The following MACF1 variants were observed in gnomAD, a reference collection of about 807,000 sequenced individuals.
The protein encoded by MACF1 is microtubule-actin cross-linking factor 1.
MACF1 carries 193 observed loss-of-function variants against 854.8 expected under a neutral mutation model. The observed-to-expected ratio is 0.23, with a 90% confidence interval of 0.20 to 0.25. The LOEUF (loss-of-function observed/expected upper bound fraction) is 0.25. MACF1 is among the 10% of genes least tolerant of loss of function. The pLI, the probability that MACF1 is intolerant of heterozygous loss-of-function variation, is 1.00. For synonymous variants in MACF1, 3,185 were observed against 3,226.7 expected (o/e 0.99, Z 0.44); for missense variants, 7,722 against 8,929.1 (o/e 0.86, Z 5.45).
At chr1:39,269,467 G>T in intron 6 of MACF1, 1 of 1,289,836 alleles carries the variant, frequency 7.8e-7, no homozygotes, top group Non-Finnish European at 1.0e-6. Flanking sequence ...GGCCAAAGAC[G>T]CACGGAGCCT....
At chr1:39,327,128 G>A in intron 35 of MACF1, 90 bp from the exon 36 acceptor site, 1 of 1,277,096 alleles carries the variant, frequency 7.8e-7, no homozygotes, top group Non-Finnish European at 1.1e-6. Context: ...ATCCATCCAA[G>A]ATGAAGAAGT....
intron 2 of MACF1, 126 bp downstream of exon 2, chr1:39,231,369 A>G (rs1180481046): frequency 2.4e-6 from 2 of 842,724 alleles, no homozygotes; most frequent in East Asian, 2.5e-5. Flanking sequence ...TACACATGTG[A>G]CTTTTCTTTT....
chr1:39,317,263 A>T lies in MACF1; in HGVS notation c.3638A>T (p.Asp1213Val). 1 of 1,614,064 alleles carries T rather than the reference A, an allele frequency of 6.2e-7. No individual in the cohort carries two copies. Among genetic ancestry groups the T allele is most frequent in the South Asian group, 1.1e-5 (1 of 91,058 alleles). The stretch of plus-strand genomic sequence containing the variant: ...AAGAATTCAGTGTTTTCAGTCCTGG[A>T]TGAGGAAATTGCCAAGGCCAAGGTA... ...KDKNSVFSVLDEEIAKAKVVA... is the reference protein window; with the variant it reads ...KDKNSVFSVLVEEIAKAKVVA... The change falls in exon 29 of 101, where the codon GAT becomes GTT. Residue 1213 changes from aspartate to valine, a missense_variant. By Grantham distance (152) the Asp-to-Val change is radical. Coordinates refer to ENST00000564288, the MANE Select transcript of MACF1 (RefSeq NM_001394062.1).
At chr1:39,245,538 C>T (rs1285812911) in intron 2 of MACF1, among the ~76,000 whole-genome samples, 1 of 152,126 alleles carries the variant, frequency 6.6e-6, no homozygotes, top group Non-Finnish European at 1.5e-5. Context: ...ATCAGCCTCC[C>T]AAATTGGTGG....
chr1:39,178,441 G>T (rs570110298), intron 2 of MACF1, among the ~76,000 whole-genome samples: 4 of 152,052 alleles, frequency 2.6e-5, no homozygotes, highest in African/African-American at 9.6e-5. Flanking sequence ...TTGTCTTTTT[G>T]TCCTATCATA....
Position 39,332,661 on chromosome 1 carries a change from G to A in MACF1, c.6073G>A (p.Val2025Met), listed in dbSNP as rs1434363698. The change falls in exon 37 of 101, where the codon GTG (valine) becomes ATG (methionine). Residue 2025 changes from valine (V) to methionine (M), a missense_variant. Physicochemically the swap from Val to Met is conservative, Grantham distance 21. Around this residue, in one of 15 missense-constraint regions of MACF1, gnomAD observed 1,531 missense variants for 1,601.6 expected, o/e 0.96. Coordinates refer to ENST00000564288, the MANE Select transcript of MACF1 (RefSeq NM_001394062.1). Reference sequence around the variant, plus strand: ...TGAGGGATTGCAAGAATCAGCTAATGTGAAAATCTCAGGAACTTTCAGCAG... The same window carrying A: ...TGAGGGATTGCAAGAATCAGCTAATATGAAAATCTCAGGAACTTTCAGCAG... ...TPEGLQESAN[V>M]KISGTFSSGW... 6.2e-7 allele frequency: 1 copy of A among 1,614,048 alleles called. No homozygotes were observed. Among genetic ancestry groups the A allele is most frequent in the African/African-American group, 1.3e-5 (1 of 74,926 alleles).
intron 40 of MACF1, 101 bp downstream of exon 40, chr1:39,341,054 G>C: frequency 1.0e-6 from 1 of 967,430 alleles, no homozygotes; most frequent in South Asian, 1.8e-5. Flanking sequence ...TTTTTTTTGA[G>C]ACGGAGTCTT....
chr1:39,307,901 C>CATTTTTTTT (rs1646218111), intron 23 of MACF1, among the ~76,000 whole-genome samples: 1 of 50,392 alleles, frequency 2.0e-5, no homozygotes, highest in Non-Finnish European at 3.6e-5. Flanking sequence ...TTCTTTCTTT[C>CATTTTTTTT]TTTTTTTTTT....
At position 39,322,970 on chromosome 1, in the gene MACF1, T is replaced by C; in HGVS notation, c.4198T>C (p.Tyr1400His). Residue 1400 changes from tyrosine (Y) to histidine (H), a missense_variant, in exon 33 of 101, where the codon TAC becomes CAC. By Grantham distance (83) the Tyr-to-His change is moderately conservative. Coordinates refer to ENST00000564288, the MANE Select transcript of MACF1 (RefSeq NM_001394062.1). ...GACTTTAACAACTCAGCACGTGAAA[T>C]ACATCAGTGATGCACTCCGGCGTCT... ...LVTLTTQHVKYISDALRRLEE... is the reference protein window; with the variant it reads ...LVTLTTQHVKHISDALRRLEE... 6.2e-7 allele frequency: 1 copy of C among 1,614,100 alleles called. No homozygotes were observed. Among genetic ancestry groups the C allele is most frequent in the Non-Finnish European group, 8.5e-7 (1 of 1,179,958 alleles).
At chr1:39,162,113 A>G (rs1246162690) in intron 2 of MACF1, among the ~76,000 whole-genome samples, 1 of 151,050 alleles carries the variant, frequency 6.6e-6, no homozygotes, top group African/African-American at 2.4e-5. Context: ...CAATTCTTGT[A>G]CCTCAGCCTC....
In MACF1 at chr1:39,309,634, C is replaced by G. The variant is rs1447537913; in HGVS notation, c.2854C>G (p.Leu952Val). The G allele has an allele frequency of 1.2e-6, 2 of 1,614,048 alleles. No individual in the cohort carries two copies. The highest frequency in any genetic ancestry group is 4.5e-5 in the East Asian group (2 of 44,878). ...TCAGCTGCATGTTAACACCAAAAGC[C>G]TTATCTCTTGGAACTATCTGCGTAA... The part of the protein sequence containing the change: ...WHQLHVNTKS[L>V]ISWNYLRKDL... Residue 952 changes from leucine (L) to valine (V), a missense_variant, in exon 24 of 101, where the codon CTT (leucine) becomes GTT (valine). By Grantham distance (32) the Leu-to-Val change is conservative. Around this residue, in one of 15 missense-constraint regions of MACF1, gnomAD observed 1,137 missense variants for 1,263.0 expected, o/e 0.90. Transcript: ENST00000564288.
At chr1:39,285,438 C>A (rs374110963) in intron 13 of MACF1, 48 bp downstream of exon 13, 9 of 1,590,782 alleles carry the variant, frequency 5.7e-6, no homozygotes, top group Non-Finnish European at 6.9e-6. Context: ...ATGTTTCCTG[C>A]TTCTCACCCT....
At position 39,156,611 on chromosome 1, in the gene MACF1, C is replaced by A. The variant is rs1253632128; in HGVS notation, c.220+72173C>A. 2.0e-5 allele frequency among the ~76,000 whole-genome samples: 3 copies of A among 152,092 alleles called. No individual in the cohort carries two copies. The East Asian group carries it at 5.8e-4, about 30-fold the overall frequency. ...TCCAGCCTGGGTGACAGAACAAGACCCTGTCTCAAAAACAACAAAAAAAGA... is the reference window on the plus strand; with the variant it reads ...TCCAGCCTGGGTGACAGAACAAGACACTGTCTCAAAAACAACAAAAAAAGA... On this transcript the variant is annotated intron_variant, in intron 2 of 93. Transcript: ENST00000361689.
chr1:39,353,015 A>T lies in MACF1; in HGVS notation c.11208A>T (p.Ala3736=), dbSNP rs771265580. ...ACCTCGGTGGCTTTCAGAGTAAAGC[A>T]GCAAAGGAACTGGCAGAGAACAAGA... is the stretch of plus-strand genomic sequence containing the variant. ...ALQQETEKSK[A]AKELAENKKK... Residue 3736 remains alanine (A), a synonymous_variant, in exon 44 of 101, where the codon GCA becomes GCT. Transcript: ENST00000564288. The T allele has an allele frequency of 2.4e-5, 39 of 1,613,114 alleles. No individual in the cohort carries two copies. In the South Asian group the frequency reaches 3.7e-4, roughly 15 times the overall value.
intron 44 of MACF1, among the ~76,000 whole-genome samples, chr1:39,354,713 A>G (rs1417877641): frequency 6.6e-6 from 1 of 151,924 alleles, no homozygotes; most frequent in African/African-American, 2.4e-5. Flanking sequence ...ACCCTTTCCT[A>G]CTTTGTAGCA....
chr1:39,350,283 G>C (rs911784943), intron 42 of MACF1, among the ~76,000 whole-genome samples: 1 of 152,140 alleles, frequency 6.6e-6, no homozygotes. Context: ...CTTGAGGTGG[G>C]TATGGTATTG....
At chr1:39,175,318 A>C (rs921202522) in intron 2 of MACF1, among the ~76,000 whole-genome samples, 6 of 152,234 alleles carry the variant, frequency 3.9e-5, no homozygotes, top group African/African-American at 1.2e-4. Flanking sequence ...TACCATATGA[A>C]ATAGTTGGCC....
chr1:39,466,696 G>A (rs1274221770), intron 95 of MACF1, among the ~76,000 whole-genome samples: 1 of 152,140 alleles, frequency 6.6e-6, no homozygotes, highest in African/African-American at 2.4e-5. Flanking sequence ...CTTCTGAGAG[G>A]GGGCTCTCAC....
At chr1:39,236,370 T>G (rs774951547) in intron 2 of MACF1, among the ~76,000 whole-genome samples, 13 of 152,204 alleles carry the variant, frequency 8.5e-5, no homozygotes, top group Non-Finnish European at 1.9e-4. Flanking sequence ...TCTTTGTTCA[T>G]TCTGCTCCCT....
Sources: allele counts gnomAD v4.1 joint callset (sites outside exome capture counted in the v4.1 genomes callset), GRCh38; gene constraint gnomAD v4.1.1; regional missense constraint gnomAD v4.1.1; transcripts MANE v1.5; gene names NCBI Gene and HGNC (gene_info 2026-07-23, HGNC 2026-07-21).